Variants in DYM observed in about 807,000 individuals in gnomAD.
DYM encodes dyggve-Melchior-Clausen syndrome protein.
Under a neutral mutation model 93.1 loss-of-function variants are expected in DYM, and 78 were observed. That is an observed-to-expected ratio of 0.84 (90% CI 0.70 to 1.01). The LOEUF (loss-of-function observed/expected upper bound fraction) is 1.01. Ranked by LOEUF, DYM falls within the 50% of genes least tolerant of loss-of-function variation. The pLI is 0.00. For missense variants in DYM, 789 were observed against 845.0 expected (o/e 0.93, Z 0.82); for synonymous variants, 321 against 319.7 (o/e 1.00, Z -0.04).
chr18:49,320,060 A>G lies in DYM; in HGVS notation c.763+11804T>C, dbSNP rs544532247. Among the ~76,000 whole-genome samples the G allele has an allele frequency of 2.6e-4, 39 of 152,350 alleles. No homozygotes were observed. In the South Asian group the frequency reaches 3.9e-3, roughly 15 times the overall value. ...TCATTCCGTTTTTAAAGATAGGGAA[A>G]AGCTTGGAGAAATTACATAACTTTC... On this transcript the variant is annotated intron_variant, in intron 8 of 17. Transcript: ENST00000675505.
intron 3 of DYM, among the ~76,000 whole-genome samples, chr18:49,387,091 T>C (rs1436680578): frequency 6.6e-6 from 1 of 151,730 alleles, no homozygotes; most frequent in Admixed American, 6.6e-5. Flanking sequence ...GGAGTCACCA[T>C]GTCTGGCTAA....
At chr18:49,329,537 T>TA (rs2063165319) in intron 8 of DYM, 1 of 152,092 alleles carries the variant, frequency 6.6e-6, no homozygotes, top group African/African-American at 2.4e-5. Flanking sequence ...AACACATCTG[T>TA]AAAAGTAAAT....
chr18:49,350,671 A>C (rs2065029212), intron 6 of DYM, among the ~76,000 whole-genome samples: 1 of 148,888 alleles, frequency 6.7e-6, no homozygotes, highest in Non-Finnish European at 1.5e-5. Context: ...TCACCATTGC[A>C]CTCCACCCTG....
chr18:49,292,592 GAAAAAAAAAAAAAAAA>G (rs72415237), intron 8 of DYM, among the ~76,000 whole-genome samples: 27,724 of 79,042 alleles, frequency 0.35, 4,650 homozygotes, highest in African/African-American at 0.47. Context: ...TTTCCTGTTG[GAAAAAAAAAAAAAAAA>G]AAAAAAAAAA....
intron 15 of DYM, among the ~76,000 whole-genome samples, chr18:49,129,379 A>G (rs2083164560): frequency 6.6e-6 from 1 of 152,194 alleles, no homozygotes. Context: ...TAACTTAATA[A>G]ATCTTAAATC....
intron 15 of DYM, among the ~76,000 whole-genome samples, chr18:49,155,202 C>T (rs1041089854): frequency 6.6e-6 from 1 of 152,198 alleles, no homozygotes; most frequent in African/African-American, 2.4e-5. Context: ...AGTCAAATCA[C>T]TCAAACATAT....
chr18:49,378,344 C>A (rs2067706810), intron 5 of DYM, among the ~76,000 whole-genome samples: 1 of 152,028 alleles, frequency 6.6e-6, no homozygotes, highest in African/African-American at 2.4e-5. Context: ...AAGCTTCAAC[C>A]CCACCAGCTT....
At chr18:49,250,484 C>T (rs2094261655) in intron 13 of DYM, among the ~76,000 whole-genome samples, 1 of 152,160 alleles carries the variant, frequency 6.6e-6, no homozygotes, top group African/African-American at 2.4e-5. Context: ...GTAACTAGCC[C>T]CTAGGCCAGA....
intron 15 of DYM, among the ~76,000 whole-genome samples, chr18:49,161,606 G>C (rs2087138870): frequency 6.6e-6 from 1 of 152,116 alleles, no homozygotes; most frequent in African/African-American, 2.4e-5. Flanking sequence ...CACAGGTATG[G>C]CAAGTGTAGA....
At chr18:49,457,624 T>C (rs1343934807) in intron 1 of DYM, among the ~76,000 whole-genome samples, 1 of 152,200 alleles carries the variant, frequency 6.6e-6, no homozygotes, top group African/African-American at 2.4e-5. Context: ...ACCTACTTTC[T>C]TAAGTCTCGG....
At chr18:49,439,872 A>T (rs1180633516) in intron 1 of DYM, among the ~76,000 whole-genome samples, 5 of 151,810 alleles carry the variant, frequency 3.3e-5, no homozygotes, top group African/African-American at 1.2e-4. Context: ...CAACACAGCT[A>T]ATAAGCCTGT....
intron 1 of DYM, among the ~76,000 whole-genome samples, chr18:49,436,477 C>G (rs1356677576): frequency 6.6e-6 from 1 of 152,154 alleles, no homozygotes; most frequent in Non-Finnish European, 1.5e-5. Context: ...AAGGATATTG[C>G]TAGTTCCTTT....
rs2070781663 is a variant in DYM at position 49,038,386 on chromosome 18, T to G, written c.*5669A>C. ...TTTGAGTTTATATTTTAAGTGCATA[T>G]AAATTTAGATTATCTTTCTAGTAAT... On this transcript the variant is annotated 3_prime_UTR_variant, in exon 18 of 18. Transcript: ENST00000675505. Among the ~76,000 whole-genome samples, 1 of 152,226 alleles carries G rather than the reference T, an allele frequency of 6.6e-6. No homozygotes were observed. The highest frequency in any genetic ancestry group is 6.5e-5 in the Admixed American group (1 of 15,288).
intron 8 of DYM, among the ~76,000 whole-genome samples, chr18:49,304,588 T>C (rs2061159485): frequency 6.6e-6 from 1 of 152,180 alleles, no homozygotes; most frequent in African/African-American, 2.4e-5. Context: ...AATGGTGACC[T>C]CTTAGTTCTC....
At chr18:49,429,123 C>G (rs2074576351) in intron 2 of DYM, among the ~76,000 whole-genome samples, 1 of 152,228 alleles carries the variant, frequency 6.6e-6, no homozygotes, top group African/African-American at 2.4e-5. Context: ...CTACCATCTT[C>G]AAAGCCAGCA....
At chr18:49,055,731 G>A (rs762343324) in intron 17 of DYM, among the ~76,000 whole-genome samples, 7 of 152,234 alleles carry the variant, frequency 4.6e-5, no homozygotes, top group Non-Finnish European at 8.8e-5. Flanking sequence ...AATGCTAAAC[G>A]AAAGCACAGC....
At chr18:49,307,055 T>C (rs973582941) in intron 8 of DYM, among the ~76,000 whole-genome samples, 2 of 151,950 alleles carry the variant, frequency 1.3e-5, no homozygotes, top group South Asian at 2.1e-4. Flanking sequence ...TGGTTCTCTC[T>C]TATCCCACTC....
intron 17 of DYM, among the ~76,000 whole-genome samples, chr18:49,091,271 A>G (rs2079026339): frequency 6.6e-6 from 1 of 152,166 alleles, no homozygotes; most frequent in South Asian, 2.1e-4. Context: ...TACATTATCT[A>G]GGAGGATAAT....
intron 15 of DYM, among the ~76,000 whole-genome samples, chr18:49,143,775 T>C (rs1352301707): frequency 2.0e-5 from 3 of 152,084 alleles, no homozygotes; most frequent in African/African-American, 4.8e-5. Context: ...ATTTCAAATA[T>C]ATACAAAGAC....
Sources: allele counts gnomAD v4.1 joint callset (sites outside exome capture counted in the v4.1 genomes callset), GRCh38; gene constraint gnomAD v4.1.1; transcripts MANE v1.5; gene names NCBI Gene and HGNC (gene_info 2026-07-23, HGNC 2026-07-21).